CSMD1: variants seen among roughly 807,000 people sequenced by gnomAD.
CSMD1 encodes CUB and Sushi multiple domains 1.
CSMD1 carries 213 observed loss-of-function variants against 417.5 expected under a neutral mutation model. The ratio of observed to expected loss-of-function variants is 0.51; its 90% CI spans 0.46 to 0.57. CSMD1 has a LOEUF of 0.57. Ranked by LOEUF, CSMD1 falls within the 20% of genes least tolerant of loss-of-function variation. The pLI is 0.00. For synonymous variants in CSMD1, 2,862 were observed against 1,736.8 expected, an observed-to-expected ratio of 1.65 and a Z score of -16.11; for missense variants, 6,923 against 4,529.7, an observed-to-expected ratio of 1.53 and a Z score of -15.17.
intron 3 of CSMD1, among the ~76,000 whole-genome samples, chr8:4,413,955 A>G (rs921313607): frequency 5.3e-5 from 8 of 152,192 alleles, no homozygotes; most frequent in South Asian, 2.1e-4. Context: ...TTCAAGCTCT[A>G]TAATTGTTAT....
intron 37 of CSMD1, among the ~76,000 whole-genome samples, chr8:3,167,263 G>T (rs1820285448): frequency 7.1e-6 from 1 of 140,214 alleles, no homozygotes; most frequent in African/African-American, 2.7e-5. Flanking sequence ...CAGCCTGAGT[G>T]ACAGAGCAAG....
intron 3 of CSMD1, among the ~76,000 whole-genome samples, chr8:4,388,347 A>G (rs1445190050): frequency 1.7e-5 from 2 of 121,192 alleles, no homozygotes; most frequent in East Asian, 2.4e-4. Flanking sequence ...CACACACACG[A>G]ACACATGATG....
chr8:3,937,160 G>C (rs552507147), intron 5 of CSMD1, among the ~76,000 whole-genome samples: 13 of 152,162 alleles, frequency 8.5e-5, no homozygotes, highest in South Asian at 2.1e-4. Context: ...GGTTTCTTTA[G>C]ATGAAATCTA....
chr8:4,118,524 A>C lies in CSMD1; in HGVS notation c.416-86425T>G, dbSNP rs181844345. On this transcript the variant is annotated intron_variant, in intron 3 of 69. Transcript: ENST00000635120. ...CATCACTGGTCACTAGAGAAATGCAAACCAAACCAAAATGGGATACCATCT... is the reference window on the plus strand; with the variant it reads ...CATCACTGGTCACTAGAGAAATGCACACCAAACCAAAATGGGATACCATCT... Among the ~76,000 whole-genome samples, 250 of 152,328 alleles carry C rather than the reference A, an allele frequency of 1.6e-3. 3 individuals are homozygous for C. Among genetic ancestry groups the C allele is most frequent in the African/African-American group, 5.7e-3 (235 of 41,570 alleles).
intron 3 of CSMD1, among the ~76,000 whole-genome samples, chr8:4,035,485 G>C (rs1019285416): frequency 1.3e-5 from 2 of 152,184 alleles, no homozygotes; most frequent in East Asian, 1.9e-4. Flanking sequence ...GGAGATGAAA[G>C]CTCCATACCT....
At chr8:3,354,262 C>G (rs1808596382) in intron 21 of CSMD1, among the ~76,000 whole-genome samples, 1 of 152,104 alleles carries the variant, frequency 6.6e-6, no homozygotes, top group Non-Finnish European at 1.5e-5. Context: ...TATACAATGC[C>G]TCACATTTAA....
chr8:3,443,670 C>A (rs1469895865), intron 12 of CSMD1, among the ~76,000 whole-genome samples: 1 of 151,924 alleles, frequency 6.6e-6, no homozygotes, highest in African/African-American at 2.4e-5. Context: ...TTGTATATCA[C>A]AATAAAACAA....
At chr8:3,352,161 G>A (rs929757218) in intron 21 of CSMD1, among the ~76,000 whole-genome samples, 1 of 152,156 alleles carries the variant, frequency 6.6e-6, no homozygotes, top group African/African-American at 2.4e-5. Context: ...GGGTGGGGAA[G>A]GAATGCCAGG....
At chr8:3,638,456 C>CT (rs1797149286) in intron 7 of CSMD1, among the ~76,000 whole-genome samples, 1 of 151,800 alleles carries the variant, frequency 6.6e-6, no homozygotes, top group African/African-American at 2.4e-5. Context: ...AAAAAAAACA[C>CT]TGCCTCTGAA....
Position 2,963,455 on chromosome 8 carries a change from C to T in CSMD1, c.9281-60G>A, listed in dbSNP as rs995522062. 9.2e-6 allele frequency: 14 copies of T among 1,518,988 alleles called. No homozygotes were observed. The Admixed American group carries it at 1.1e-4, about 11-fold the overall frequency. The allele number at this position is 1,518,988 out of a possible 1,614,324, so 94.1% of individuals were successfully genotyped here. ...GAGCTCCCGCTGCAGCGGTGATGTT[C>T]AAACGATTCCCATTTTAATTTTACC... On this transcript the variant is annotated intron_variant, in intron 59 of 69. Transcript: ENST00000635120.
At chr8:3,993,992 C>T (rs1814963091) in intron 5 of CSMD1, among the ~76,000 whole-genome samples, 2 of 152,098 alleles carry the variant, frequency 1.3e-5, no homozygotes, top group South Asian at 2.1e-4. Flanking sequence ...GGGCAAACTG[C>T]AAGGGGATGG....
At chr8:4,768,321 G>T (rs754107169) in intron 1 of CSMD1, among the ~76,000 whole-genome samples, 1 of 151,882 alleles carries the variant, frequency 6.6e-6, no homozygotes, top group Non-Finnish European at 1.5e-5. Flanking sequence ...ACTCGCCTAT[G>T]ATCGTAACAT....
chr8:3,827,652 C>G (rs1039862964), intron 5 of CSMD1, among the ~76,000 whole-genome samples: 3 of 152,180 alleles, frequency 2.0e-5, no homozygotes, highest in African/African-American at 7.2e-5. Flanking sequence ...TCGAATAAAA[C>G]ATGATTTTTG....
intron 3 of CSMD1, among the ~76,000 whole-genome samples, chr8:4,056,639 C>T (rs1010645391): frequency 1.3e-5 from 2 of 151,884 alleles, no homozygotes; most frequent in Non-Finnish European, 2.9e-5. Context: ...CACCCATTAA[C>T]TCATCATTTA....
chr8:4,696,456 G>C (rs924236334), intron 1 of CSMD1, among the ~76,000 whole-genome samples: 1 of 152,094 alleles, frequency 6.6e-6, no homozygotes, highest in Non-Finnish European at 1.5e-5. Context: ...AATTACATTT[G>C]TTTATTAAAG....
At chr8:4,326,358 C>G (rs10046752) in intron 3 of CSMD1, among the ~76,000 whole-genome samples, 58,594 of 151,986 alleles carry the variant, frequency 0.39, 11,512 homozygotes, top group South Asian at 0.52. Context: ...GGCAACCTGA[C>G]GACGATCACC....
intron 40 of CSMD1, among the ~76,000 whole-genome samples, chr8:3,145,432 G>A (rs1314185309): frequency 6.6e-6 from 1 of 152,278 alleles, no homozygotes; most frequent in South Asian, 2.1e-4. Context: ...AAGGGGATCA[G>A]GGTGCAAAGA....
At chr8:4,263,648 A>C (rs1804037930) in intron 3 of CSMD1, among the ~76,000 whole-genome samples, 1 of 152,178 alleles carries the variant, frequency 6.6e-6, no homozygotes, top group African/African-American at 2.4e-5. Context: ...TCTTAGCAAT[A>C]ACTCTATGAC....
chr8:4,004,260 T>TC (rs1015871574), intron 4 of CSMD1, among the ~76,000 whole-genome samples: 3 of 152,068 alleles, frequency 2.0e-5, no homozygotes, highest in Non-Finnish European at 4.4e-5. Flanking sequence ...CTAAAAAACA[T>TC]CCCAGTAACA....
Sources: allele counts gnomAD v4.1 joint callset (sites outside exome capture counted in the v4.1 genomes callset), GRCh38; gene constraint gnomAD v4.1.1; transcripts MANE v1.5; gene names NCBI Gene and HGNC (gene_info 2026-07-23, HGNC 2026-07-21).